Variants in EPHA10 observed in about 807,000 individuals in gnomAD.
EPHA10 encodes the protein ephrin type-A receptor 10.
Under a neutral mutation model 109.7 loss-of-function variants are expected in EPHA10, and 120 were observed. That is an observed-to-expected ratio of 1.09 (90% CI 0.94 to 1.27). The LOEUF (loss-of-function observed/expected upper bound fraction) is 1.27. Among genes scored for constraint, EPHA10 ranks in the 50% most tolerant of loss-of-function variants. The pLI is 0.00. For missense variants in EPHA10, 1,396 were observed against 1,411.1 expected (o/e 0.99, Z 0.17); for synonymous variants, 640 against 618.9 (o/e 1.03, Z -0.51).
At chr1:37,729,872 C>CAAAA (rs112155506) in intron 7 of EPHA10, among the ~76,000 whole-genome samples, 1 of 135,968 alleles carries the variant, frequency 7.4e-6, no homozygotes. Context: ...GACCCTACCT[C>CAAAA]AAAAAAAAAA....
rs1449995052 is a variant in EPHA10 at position 37,720,569 on chromosome 1, G to T, written c.2209-15C>A. ...CCCTCGTGCCGCTGTGGAGGGAGAA[G>T]ACTGAGGCCAGGGCTGTGCGCTTGG... On this transcript the variant is annotated splice_polypyrimidine_tract_variant and intron_variant, in intron 12 of 16. Coordinates refer to ENST00000373048, the MANE Select transcript of EPHA10 (RefSeq NM_001099439.2). 1 of 1,604,474 alleles carries T rather than the reference G, an allele frequency of 6.2e-7. No individual in the cohort carries two copies. The highest frequency in any genetic ancestry group is 8.5e-7 in the Non-Finnish European group (1 of 1,175,618).
intron 5 of EPHA10, 67 bp from the exon 6 acceptor site, chr1:37,735,457 A>G: frequency 6.6e-7 from 1 of 1,521,042 alleles, no homozygotes; most frequent in South Asian, 1.3e-5. Flanking sequence ...GGTGCGGGGA[A>G]GAGGGTGCGG....
At chr1:37,739,560 G>GTGCCTA (rs1646121721) in intron 5 of EPHA10, among the ~76,000 whole-genome samples, 1 of 151,998 alleles carries the variant, frequency 6.6e-6, no homozygotes, top group South Asian at 2.1e-4. Flanking sequence ...CTGGTGGTGT[G>GTGCCTA]TGCCTATAAT....
chr1:37,762,168 T>C (rs934481067), intron 2 of EPHA10, 85 bp from the exon 3 acceptor site: 13 of 1,312,988 alleles, frequency 9.9e-6, no homozygotes, highest in Non-Finnish European at 1.3e-5. Context: ...CTGCTTTCTC[T>C]CTCATGCACC....
intron 8 of EPHA10, among the ~76,000 whole-genome samples, chr1:37,723,774 A>G (rs115791494): frequency 0.023 from 3,450 of 152,384 alleles, 59 homozygotes; most frequent in Middle Eastern, 0.034. Context: ...ATGGAGAGTT[A>G]GCCACAAGCC....
At position 37,720,067 on chromosome 1, in the gene EPHA10, G is replaced by A; in HGVS notation, c.2413-9C>T. The A allele has an allele frequency of 6.2e-7, 1 of 1,613,254 alleles. No homozygotes were observed. The highest frequency in any genetic ancestry group is 1.1e-5 in the South Asian group (1 of 91,058). ...GCTGGGCTCCGGCCACTCTGTAGGG[G>A]CAGGCAGGTCAGGGGCAAGGAGGAA... On this transcript the variant is annotated splice_polypyrimidine_tract_variant and intron_variant, in intron 13 of 16. Transcript: ENST00000373048.
intron 2 of EPHA10, 112 bp from the exon 3 acceptor site, chr1:37,762,195 T>C (rs756067334): frequency 6.9e-5 from 71 of 1,024,950 alleles, no homozygotes; most frequent in Non-Finnish European, 9.3e-5. Flanking sequence ...ACCCCGGAAA[T>C]TGTAAGATGC....
At chr1:37,740,543 G>T (rs1160632863) in intron 5 of EPHA10, among the ~76,000 whole-genome samples, 1 of 152,128 alleles carries the variant, frequency 6.6e-6, no homozygotes, top group African/African-American at 2.4e-5. Context: ...CTGACCTCAT[G>T]ATCCGCCCAC....
In EPHA10 at chr1:37,721,649, C is replaced by A; in HGVS notation, c.2146+11G>T. 1 of 1,596,034 alleles carries A rather than the reference C, an allele frequency of 6.3e-7. No individual in the cohort carries two copies. The highest frequency in any genetic ancestry group is 1.1e-5 in the South Asian group (1 of 89,428). ...TGGGCTGGGCAGCAGGAAGGGAGCA[C>A]CGGGCCCTACCTCGGGTAACAACGC... On this transcript the variant is annotated intron_variant, in intron 11 of 16. Transcript: ENST00000373048.
intron 3 of EPHA10, chr1:37,761,189 T>C: frequency 6.8e-7 from 1 of 1,468,930 alleles, no homozygotes; most frequent in Non-Finnish European, 8.9e-7. Context: ...AATGCCTCCT[T>C]AGCCAGTCAA....
intron 5 of EPHA10, among the ~76,000 whole-genome samples, chr1:37,749,044 T>TC (rs905507801): frequency 2.3e-4 from 33 of 146,190 alleles, no homozygotes; most frequent in African/African-American, 6.8e-4. Flanking sequence ...TGCCTCAGCC[T>TC]CCCCAGTAGC....
At chr1:37,732,088 T>C (rs1389511171) in intron 6 of EPHA10, among the ~76,000 whole-genome samples, 1 of 152,222 alleles carries the variant, frequency 6.6e-6, no homozygotes, top group Non-Finnish European at 1.5e-5. Flanking sequence ...TGTTTGTTTG[T>C]TTCACAGATA....
At chr1:37,760,485 G>T in intron 3 of EPHA10, 1 of 1,045,654 alleles carries the variant, frequency 9.6e-7, no homozygotes, top group Non-Finnish European at 1.2e-6. Context: ...TGTGATCTTC[G>T]TAATCATCTA....
At position 37,761,642 on chromosome 1, in the gene EPHA10, G is replaced by T. The variant is rs1380569555; in HGVS notation, c.613C>A (p.Arg205Ser). The change falls in exon 3 of 17, where the codon CGC (arginine) becomes AGC (serine). Residue 205 changes from arginine (R) to serine (S), a missense_variant. By Grantham distance (110) the Arg-to-Ser change is moderately radical. Transcript: ENST00000373048. ...GCGCGGCACTGCTTGTAGTAGACGC[G>T]CACCGAGACAAGCGCCACGCATGCG... ...VGACVALVSV[R>S]VYYKQCRATV... The T allele has an allele frequency of 1.9e-6, 3 of 1,605,774 alleles. No individual in the cohort carries two copies. Among genetic ancestry groups the T allele is most frequent in the Admixed American group, 1.7e-5 (1 of 59,980 alleles).
intron 6 of EPHA10, among the ~76,000 whole-genome samples, 181 bp downstream of exon 6, chr1:37,735,076 G>A (rs1026539636): frequency 1.3e-5 from 2 of 152,176 alleles, no homozygotes; most frequent in Non-Finnish European, 2.9e-5. Flanking sequence ...TGAGCGGAGG[G>A]AGGAAGAGCA....
chr1:37,730,372 G>A (rs1369989118), intron 7 of EPHA10, among the ~76,000 whole-genome samples: 1 of 152,186 alleles, frequency 6.6e-6, no homozygotes, highest in African/African-American at 2.4e-5. Flanking sequence ...GCCTCTTAGG[G>A]GGAACTGCCT....
At position 37,764,700 on chromosome 1, in the gene EPHA10, C is replaced by G. The variant is rs1000076597; in HGVS notation, c.106+261G>C. ...TTGTCCGTCTCACCGGCCGCTGGAC[C>G]GCCGCCTCTGGCTCCCGCGGTTCCT... On this transcript the variant is annotated intron_variant, in intron 1 of 16. Coordinates refer to ENST00000373048, the MANE Select transcript of EPHA10 (RefSeq NM_001099439.2). The surrounding 1 kb of genome is among the most constrained non-coding windows in gnomAD (Gnocchi z 5.8). 6.6e-6 allele frequency among the ~76,000 whole-genome samples: 1 copy of G among 152,058 alleles called. No individual in the cohort carries two copies. Among genetic ancestry groups the G allele is most frequent in the Non-Finnish European group, 1.5e-5 (1 of 68,020 alleles).
intron 3 of EPHA10, 173 bp downstream of exon 3, chr1:37,761,232 C>G: frequency 6.7e-7 from 1 of 1,498,234 alleles, no homozygotes; most frequent in South Asian, 1.3e-5. Context: ...TTGGCCCTGA[C>G]TGGACTCACT....
intron 5 of EPHA10, among the ~76,000 whole-genome samples, chr1:37,742,090 G>T (rs914498772): frequency 6.6e-6 from 1 of 152,232 alleles, no homozygotes; most frequent in Non-Finnish European, 1.5e-5. Context: ...CAGCTCCGAA[G>T]AGATAATTAG....
Sources: gnomAD v4.1 joint callset for allele counts (sites outside exome capture counted in the v4.1 genomes callset) on GRCh38, gnomAD v4.1.1 for gene constraint, Gnocchi (gnomAD v3.1) non-coding constraint, MANE v1.5 for transcripts, NCBI Gene and HGNC (gene_info 2026-07-23, HGNC 2026-07-21) for gene names.